CSMD1: variants seen among roughly 807,000 people sequenced by gnomAD.
CSMD1 encodes CUB and sushi domain-containing protein 1.
Under a neutral mutation model 417.5 loss-of-function variants are expected in CSMD1, and 213 were observed. The ratio of observed to expected loss-of-function variants is 0.51; its 90% CI spans 0.46 to 0.57. CSMD1 has a LOEUF of 0.57. CSMD1 is among the 20% of genes least tolerant of loss of function. CSMD1 has a pLI of 0.00. For missense variants in CSMD1, 6,923 were observed against 4,529.7 expected (o/e 1.53, Z -15.17); for synonymous variants, 2,862 against 1,736.8 (o/e 1.65, Z -16.11).
At chr8:4,036,549 T>G (rs1267006901) in intron 3 of CSMD1, among the ~76,000 whole-genome samples, 1 of 152,208 alleles carries the variant, frequency 6.6e-6, no homozygotes, top group Non-Finnish European at 1.5e-5. Context: ...TGAAAAATAT[T>G]TATTCTGTTC....
At chr8:3,276,219 G>A (rs113665951) in intron 26 of CSMD1, among the ~76,000 whole-genome samples, 6,601 of 152,164 alleles carry the variant, frequency 0.043, 469 homozygotes, top group African/African-American at 0.15. Context: ...CTGCTGGGAG[G>A]TGCCTCTCAG....
At chr8:4,116,981 G>C (rs1802190901) in intron 3 of CSMD1, among the ~76,000 whole-genome samples, 1 of 152,010 alleles carries the variant, frequency 6.6e-6, no homozygotes, top group Admixed American at 6.6e-5. Flanking sequence ...GCTACACCTA[G>C]TGACTATCTT....
chr8:4,034,920 G>C (rs915166099), intron 3 of CSMD1, among the ~76,000 whole-genome samples: 2 of 152,160 alleles, frequency 1.3e-5, no homozygotes, highest in South Asian at 2.1e-4. Context: ...ACCAGTCATT[G>C]TCACACACGG....
At chr8:3,731,810 T>A (rs1437301685) in intron 6 of CSMD1, among the ~76,000 whole-genome samples, 1 of 152,114 alleles carries the variant, frequency 6.6e-6, no homozygotes, top group Non-Finnish European at 1.5e-5. Flanking sequence ...CATGTGATGT[T>A]TCATTTACTC....
intron 3 of CSMD1, among the ~76,000 whole-genome samples, chr8:4,264,763 C>A (rs1461039085): frequency 6.6e-6 from 1 of 152,094 alleles, no homozygotes; most frequent in Non-Finnish European, 1.5e-5. Context: ...CTAGAACGTT[C>A]TTTGGCCATT....
In CSMD1 at chr8:4,030,959, A is replaced by T. The variant is rs1346894020; in HGVS notation, c.610+946T>A. 2.0e-5 allele frequency among the ~76,000 whole-genome samples: 3 copies of T among 152,306 alleles called. No individual in the cohort carries two copies. In the East Asian group the frequency reaches 5.8e-4, roughly 29 times the overall value. The stretch of plus-strand genomic sequence containing the variant: ...AGTCTTTTTGCTAAAACGTAACAAG[A>T]ATCACCTTTGGTCCAGTTATGAACA... On this transcript the variant is annotated intron_variant, in intron 4 of 69. Transcript: ENST00000635120.
Position 4,093,147 on chromosome 8 carries a change from T to C in CSMD1, c.416-61048A>G, listed in dbSNP as rs138775806. Among the ~76,000 whole-genome samples the C allele has an allele frequency of 1.4e-4, 21 of 152,332 alleles. No homozygotes were observed. In the East Asian group the frequency reaches 2.5e-3, roughly 18 times the overall value. ...CCAGCCATAAATTATACAAGTCATA[T>C]TGACTGTTTGCAGGTTTACAGTAAC... On this transcript the variant is annotated intron_variant, in intron 3 of 69. Coordinates refer to ENST00000635120, the MANE Select transcript of CSMD1 (RefSeq NM_033225.6).
At chr8:3,723,209 A>G (rs969379415) in intron 6 of CSMD1, among the ~76,000 whole-genome samples, 1 of 152,178 alleles carries the variant, frequency 6.6e-6, no homozygotes, top group African/African-American at 2.4e-5. Context: ...GCTTGTGGCC[A>G]TGGACCCTTC....
chr8:4,607,723 G>A (rs1352705719), intron 2 of CSMD1, among the ~76,000 whole-genome samples: 1 of 152,140 alleles, frequency 6.6e-6, no homozygotes, highest in Non-Finnish European at 1.5e-5. Flanking sequence ...CTTGGTTAAA[G>A]AAAACAGTAA....
intron 3 of CSMD1, among the ~76,000 whole-genome samples, chr8:4,219,749 C>T (rs543642799): frequency 6.6e-6 from 1 of 152,192 alleles, no homozygotes; most frequent in African/African-American, 2.4e-5. Flanking sequence ...TGAATGACTT[C>T]TTTTCCTGAA....
chr8:3,293,473 T>C (rs980509727), intron 25 of CSMD1, among the ~76,000 whole-genome samples: 2 of 152,236 alleles, frequency 1.3e-5, no homozygotes, highest in East Asian at 1.9e-4. Context: ...CAATCAGACG[T>C]AGATTCGGTC....
intron 2 of CSMD1, among the ~76,000 whole-genome samples, chr8:4,588,274 T>C (rs1005069563): frequency 6.6e-6 from 1 of 151,980 alleles, no homozygotes; most frequent in Non-Finnish European, 1.5e-5. Flanking sequence ...TAGGATTCCA[T>C]TAAATGCTGA....
intron 3 of CSMD1, among the ~76,000 whole-genome samples, chr8:4,245,684 A>T (rs544310731): frequency 6.6e-6 from 1 of 152,248 alleles, no homozygotes; most frequent in South Asian, 2.1e-4. Flanking sequence ...TGACAATTTA[A>T]ATTATCCTAT....
chr8:4,471,505 G>C (rs866751677), intron 2 of CSMD1, among the ~76,000 whole-genome samples: 2 of 152,090 alleles, frequency 1.3e-5, no homozygotes, highest in Admixed American at 6.6e-5. Flanking sequence ...CTCAGTGTCT[G>C]GGTGGTCACA....
intron 3 of CSMD1, among the ~76,000 whole-genome samples, chr8:4,071,445 T>C (rs548503833): frequency 6.6e-6 from 1 of 152,174 alleles, no homozygotes; most frequent in Admixed American, 6.5e-5. Flanking sequence ...TTGATTTTCA[T>C]TTTATAACGC....
intron 3 of CSMD1, among the ~76,000 whole-genome samples, chr8:4,258,000 G>A (rs942212517): frequency 6.6e-6 from 1 of 152,030 alleles, no homozygotes; most frequent in Non-Finnish European, 1.5e-5. Context: ...AGAATAAGTG[G>A]ATTAAACAAC....
intron 26 of CSMD1, among the ~76,000 whole-genome samples, chr8:3,234,462 C>G (rs1799033494): frequency 6.6e-6 from 1 of 152,136 alleles, no homozygotes. Context: ...ACAGGGGAAT[C>G]TCACTTGAAA....
In CSMD1 at chr8:4,355,044, C is replaced by T. The variant is rs1054476093; in HGVS notation, c.415+64909G>A. 4.6e-5 allele frequency among the ~76,000 whole-genome samples: 7 copies of T among 151,918 alleles called. No homozygotes were observed. In the East Asian group the frequency reaches 1.2e-3, roughly 25 times the overall value. Reference sequence around the variant, plus strand: ...TTGGGAGGCCGAGGCGGGCGGATGACGAGGTCAGGAGATCGAGACCATCCT... The same window carrying T: ...TTGGGAGGCCGAGGCGGGCGGATGATGAGGTCAGGAGATCGAGACCATCCT... On this transcript the variant is annotated intron_variant, in intron 3 of 69. Transcript: ENST00000635120.
chr8:3,729,162 G>A (rs945234477), intron 6 of CSMD1, among the ~76,000 whole-genome samples: 17 of 152,146 alleles, frequency 1.1e-4, no homozygotes, highest in African/African-American at 3.9e-4. Context: ...TAACTAACTC[G>A]TTCATGACAA....
Sources: allele counts gnomAD v4.1 joint callset (sites outside exome capture counted in the v4.1 genomes callset), GRCh38; gene constraint gnomAD v4.1.1; transcripts MANE v1.5; gene names NCBI Gene and HGNC (gene_info 2026-07-23, HGNC 2026-07-21).